Variants in USH2A observed in about 807,000 individuals in gnomAD.
The protein encoded by USH2A is Usher syndrome 2A (autosomal recessive, mild).
A neutral mutation model predicts 538.9 loss-of-function variants in USH2A; 443 were observed. The ratio of observed to expected loss-of-function variants is 0.82; its 90% CI spans 0.76 to 0.89. The LOEUF is 0.89. Ranked by LOEUF, USH2A falls within the 40% of genes least tolerant of loss-of-function variation. The pLI is 0.00. For synonymous variants in USH2A, 2,413 were observed against 2,273.5 expected, an observed-to-expected ratio of 1.06 and a Z score of -1.75; for missense variants, 6,633 against 6,324.8, an observed-to-expected ratio of 1.05 and a Z score of -1.65.
At chr1:215,862,440 G>A (rs982854839) in intron 44 of USH2A, among the ~76,000 whole-genome samples, 1 of 152,088 alleles carries the variant, frequency 6.6e-6, no homozygotes, top group Non-Finnish European at 1.5e-5. Context: ...GGGAGGGATA[G>A]CATTAGGAGA....
intron 21 of USH2A, among the ~76,000 whole-genome samples, chr1:216,128,391 T>C (rs969813131): frequency 1.3e-5 from 2 of 152,094 alleles, no homozygotes; most frequent in African/African-American, 2.4e-5. Context: ...TCAGTGCTTT[T>C]GTTTTTGCTG....
chr1:215,623,181 A>AGTT lies in USH2A; in HGVS notation c.*2597_*2599dup, dbSNP rs1031734343. ...AAAAACAACTGTACTCTTACCAAAC[A>AGTT]GTTGATATTAAGAATAACAAAACAT... On this transcript the variant is annotated 3_prime_UTR_variant, in exon 72 of 72. Coordinates refer to ENST00000307340, the MANE Select transcript of USH2A (RefSeq NM_206933.4). The AGTT allele has an allele frequency of 1.4e-4, 21 of 152,164 alleles. No individual in the cohort carries two copies. The highest frequency in any genetic ancestry group is 1.1e-3 in the Admixed American group (17 of 15,274). 9.4% of individuals were successfully genotyped at this position (152,164 alleles called of 1,614,324 possible). A position where few individuals can be genotyped will look rare whatever the true frequency, so the allele number is the denominator to read the frequency against.
At chr1:215,835,033 T>C (rs1185785349) in intron 47 of USH2A, among the ~76,000 whole-genome samples, 1 of 151,678 alleles carries the variant, frequency 6.6e-6, no homozygotes, top group Admixed American at 6.6e-5. Flanking sequence ...TGGTTTTGTT[T>C]TATGGTTAGA....
At chr1:216,166,658 T>C (rs1210929778) in intron 21 of USH2A, among the ~76,000 whole-genome samples, 1 of 151,984 alleles carries the variant, frequency 6.6e-6, no homozygotes, top group Admixed American at 6.6e-5. Flanking sequence ...GAGTGAATAG[T>C]TCAAGTGCCA....
intron 3 of USH2A, among the ~76,000 whole-genome samples, chr1:216,411,419 T>TGGGTAGTAGACCTTATTTG (rs1319963338): frequency 6.6e-6 from 1 of 152,100 alleles, no homozygotes; most frequent in Non-Finnish European, 1.5e-5. Flanking sequence ...AGTGTCTTTT[T>TGGGTAGTAGACCTTATTTG]GGATGTAATT....
At chr1:216,362,015 G>A (rs1057093600) in intron 4 of USH2A, among the ~76,000 whole-genome samples, 1 of 152,106 alleles carries the variant, frequency 6.6e-6, no homozygotes, top group African/African-American at 2.4e-5. Context: ...TGAGATTCTG[G>A]AAATATTCTA....
intron 22 of USH2A, among the ~76,000 whole-genome samples, chr1:216,093,601 G>A (rs548913429): frequency 2.6e-5 from 4 of 152,128 alleles, no homozygotes; most frequent in African/African-American, 9.7e-5. Context: ...GAGTCTTAAG[G>A]TATCGCATCC....
chr1:216,273,382 C>A (rs142118384), intron 11 of USH2A, among the ~76,000 whole-genome samples: 419 of 152,002 alleles, frequency 2.8e-3, no homozygotes, highest in African/African-American at 9.8e-3. Context: ...AGGCCCCACA[C>A]TGAGGAGAAA....
At chr1:215,926,010 T>G (rs1175558580) in intron 38 of USH2A, among the ~76,000 whole-genome samples, 1 of 152,076 alleles carries the variant, frequency 6.6e-6, no homozygotes, top group Non-Finnish European at 1.5e-5. Flanking sequence ...AGAGCGAGAC[T>G]CCGTCTCAAA....
chr1:215,728,582 G>C (rs915908155), intron 60 of USH2A, among the ~76,000 whole-genome samples, 198 bp from the exon 61 acceptor site: 2 of 148,590 alleles, frequency 1.3e-5, no homozygotes, highest in African/African-American at 5.0e-5. Flanking sequence ...AAGTGTAGTT[G>C]ACACACACAC....
chr1:215,701,508 T>C (rs1659014753), intron 61 of USH2A, among the ~76,000 whole-genome samples: 1 of 152,258 alleles, frequency 6.6e-6, no homozygotes, highest in African/African-American at 2.4e-5. Context: ...GCTCCTGTAT[T>C]GGGTGCATAT....
At chr1:215,973,679 A>G (rs1244680231) in intron 35 of USH2A, among the ~76,000 whole-genome samples, 1 of 99,234 alleles carries the variant, frequency 1.0e-5, no homozygotes, top group South Asian at 3.0e-4. Context: ...TTTTTTGTCT[A>G]TCTGACTCTA....
intron 52 of USH2A, among the ~76,000 whole-genome samples, chr1:215,784,690 G>T (rs770889333): frequency 1.2e-4 from 19 of 152,126 alleles, no homozygotes; most frequent in Non-Finnish European, 2.8e-4. Flanking sequence ...TGTTCTCAAT[G>T]GAATTATCAT....
intron 38 of USH2A, among the ~76,000 whole-genome samples, chr1:215,933,847 T>C (rs959839388): frequency 6.6e-5 from 10 of 151,970 alleles, no homozygotes; most frequent in Non-Finnish European, 1.5e-4. Context: ...TAGCACTCAA[T>C]TGAGAGTCAT....
intron 22 of USH2A, 43 bp downstream of exon 22, chr1:216,097,040 A>C: frequency 1.3e-6 from 2 of 1,561,160 alleles, no homozygotes; most frequent in Non-Finnish European, 1.7e-6. Context: ...CCAGGCACCT[A>C]CTAAATTCTT....
At chr1:215,644,436 G>C (rs143221532) in intron 67 of USH2A, among the ~76,000 whole-genome samples, 2 of 152,276 alleles carry the variant, frequency 1.3e-5, no homozygotes, top group Non-Finnish European at 2.9e-5. Context: ...GAACTCACCT[G>C]ATGAGGGAGG....
intron 21 of USH2A, among the ~76,000 whole-genome samples, chr1:216,150,210 C>T (rs887935206): frequency 1.3e-5 from 2 of 152,148 alleles, no homozygotes; most frequent in Non-Finnish European, 2.9e-5. Flanking sequence ...TGCTGGTTTA[C>T]ACTGTTTCTT....
chr1:215,779,562 T>TTTG (rs1486845410), intron 55 of USH2A, among the ~76,000 whole-genome samples: 4 of 152,136 alleles, frequency 2.6e-5, no homozygotes, highest in African/African-American at 9.7e-5. Flanking sequence ...CATCTTACTG[T>TTTG]TTGTTTGAAA....
At chr1:215,786,635 A>T in intron 52 of USH2A, 35 bp downstream of exon 52, 1 of 1,612,210 alleles carries the variant, frequency 6.2e-7, no homozygotes, top group South Asian at 1.1e-5. Flanking sequence ...CACTAACCCC[A>T]TTAAGCCATG....
Sources: allele counts gnomAD v4.1 joint callset (sites outside exome capture counted in the v4.1 genomes callset), GRCh38; gene constraint gnomAD v4.1.1; transcripts MANE v1.5; gene names NCBI Gene and HGNC (gene_info 2026-07-23, HGNC 2026-07-21).